MLLT3: variants seen among roughly 807,000 people sequenced by gnomAD.
The protein encoded by MLLT3 is protein AF-9.
MLLT3 carries 4 observed loss-of-function variants against 53.2 expected under a neutral mutation model. That is an observed-to-expected ratio of 0.08 (90% CI 0.04 to 0.17). MLLT3 has a LOEUF of 0.17. Among genes scored for constraint, MLLT3 ranks in the 10% least tolerant of loss-of-function variants. The pLI is 1.00. For synonymous variants in MLLT3, 283 were observed against 230.6 expected (o/e 1.23, Z -2.06); for missense variants, 569 against 684.0 (o/e 0.83, Z 1.87).
At chr9:20,503,941 G>A (rs1307749684) in intron 2 of MLLT3, among the ~76,000 whole-genome samples, 2 of 152,196 alleles carry the variant, frequency 1.3e-5, no homozygotes, top group South Asian at 2.1e-4. Context: ...GGCAACAGGT[G>A]TATGAAAAAA....
At chr9:20,369,695 T>C (rs908347367) in intron 5 of MLLT3, among the ~76,000 whole-genome samples, 5 of 152,138 alleles carry the variant, frequency 3.3e-5, no homozygotes, top group Non-Finnish European at 2.9e-5. Flanking sequence ...AATGTCACAT[T>C]TATCTTCCAA....
At chr9:20,533,398 C>A in intron 2 of MLLT3, 1 of 159,716 alleles carries the variant, frequency 6.3e-6, no homozygotes, top group Non-Finnish European at 1.4e-5. Flanking sequence ...AATTTTCCTT[C>A]AAAAGAAAAG....
At chr9:20,567,304 T>TA (rs35505450) in intron 2 of MLLT3, among the ~76,000 whole-genome samples, 4,601 of 79,826 alleles carry the variant, frequency 0.058, 151 homozygotes, top group Non-Finnish European at 0.08. Flanking sequence ...CTATATTCAG[T>TA]AAAAAAAAAA....
At chr9:20,537,337 T>C (rs970755565) in intron 2 of MLLT3, among the ~76,000 whole-genome samples, 10 of 152,224 alleles carry the variant, frequency 6.6e-5, no homozygotes, top group African/African-American at 2.4e-4. Context: ...TATTTTTTAA[T>C]CTGTTACGGA....
At chr9:20,578,808 C>G (rs1370986175) in intron 2 of MLLT3, among the ~76,000 whole-genome samples, 1 of 151,890 alleles carries the variant, frequency 6.6e-6, no homozygotes, top group Non-Finnish European at 1.5e-5. Flanking sequence ...TAAATACATA[C>G]CAGATTCCAA....
In MLLT3 at chr9:20,346,304, G is replaced by C; in HGVS notation, c.*139C>G. 1.1e-6 allele frequency: 1 copy of C among 898,794 alleles called. No individual in the cohort carries two copies. Among genetic ancestry groups the C allele is most frequent in the South Asian group, 2.1e-5 (1 of 47,866 alleles). The allele number at this position is 898,794 out of a possible 1,614,324, so 55.7% of individuals were successfully genotyped here. ...AGAAAAATAAAGCTGAAGGTTGTTT[G>C]ATTTTTATTTTTTCCCTTTTGGTTG... is the stretch of plus-strand genomic sequence containing the variant. On this transcript the variant is annotated 3_prime_UTR_variant, in exon 11 of 11. Coordinates refer to ENST00000380338, the MANE Select transcript of MLLT3 (RefSeq NM_004529.4).
At chr9:20,400,152 C>A (rs1480456292) in intron 5 of MLLT3, among the ~76,000 whole-genome samples, 1 of 151,820 alleles carries the variant, frequency 6.6e-6, no homozygotes, top group Non-Finnish European at 1.5e-5. Flanking sequence ...ACAAAAAAAC[C>A]TAACATGACT....
intron 2 of MLLT3, among the ~76,000 whole-genome samples, chr9:20,505,575 A>G (rs903628050): frequency 8.5e-5 from 13 of 152,216 alleles, no homozygotes; most frequent in African/African-American, 2.7e-4. Flanking sequence ...AGGTTAGCCT[A>G]TAAGTTCTAA....
chr9:20,442,418 T>C (rs1347031104), intron 4 of MLLT3, among the ~76,000 whole-genome samples: 2 of 152,200 alleles, frequency 1.3e-5, no homozygotes, highest in African/African-American at 4.8e-5. Flanking sequence ...TGAGTTTATT[T>C]ACTACAGTAT....
rs987928519 is a variant in MLLT3, at chr9:20,346,189, T to C, written c.*254A>G. The C allele has an allele frequency of 2.6e-6, 1 of 383,202 alleles. No individual in the cohort carries two copies. Among genetic ancestry groups the C allele is most frequent in the Non-Finnish European group, 4.7e-6 (1 of 212,846 alleles). 23.7% of individuals were successfully genotyped at this position (383,202 alleles called of 1,614,324 possible). ...TTTTCAAGGCTATCCAGGCTAACTCTTCCCGGGGATTTCCTTGGAGAGAAG... is the reference window on the plus strand; with the variant it reads ...TTTTCAAGGCTATCCAGGCTAACTCCTCCCGGGGATTTCCTTGGAGAGAAG... On this transcript the variant is annotated 3_prime_UTR_variant, in exon 11 of 11. Transcript: ENST00000380338.
chr9:20,445,728 T>C (rs1823677430), intron 4 of MLLT3, among the ~76,000 whole-genome samples: 1 of 152,118 alleles, frequency 6.6e-6, no homozygotes, highest in Non-Finnish European at 1.5e-5. Context: ...AACTTATATA[T>C]TAAGATGAGA....
At chr9:20,493,426 GGTTA>G (rs1265912954) in intron 2 of MLLT3, among the ~76,000 whole-genome samples, 1 of 151,918 alleles carries the variant, frequency 6.6e-6, no homozygotes. Flanking sequence ...ACTCAGGAAG[GGTTA>G]GTATTTCTTT....
chr9:20,435,514 G>A (rs1563964706), intron 4 of MLLT3, among the ~76,000 whole-genome samples: 1 of 152,110 alleles, frequency 6.6e-6, no homozygotes, highest in Non-Finnish European at 1.5e-5. Context: ...CCCACAGTAG[G>A]TACTCAAATA....
intron 5 of MLLT3, among the ~76,000 whole-genome samples, chr9:20,367,488 C>T (rs565477608): frequency 1.3e-5 from 2 of 152,264 alleles, no homozygotes; most frequent in African/African-American, 2.4e-5. Context: ...TTAGGCCCTG[C>T]GTTCCACCTT....
At chr9:20,433,707 C>G (rs1356040000) in intron 4 of MLLT3, among the ~76,000 whole-genome samples, 2 of 152,034 alleles carry the variant, frequency 1.3e-5, no homozygotes, top group Admixed American at 6.6e-5. Flanking sequence ...TCTTTAAAAT[C>G]TTCAAGTTCA....
intron 2 of MLLT3, among the ~76,000 whole-genome samples, chr9:20,613,628 G>A (rs1469946542): frequency 6.0e-5 from 9 of 150,312 alleles, no homozygotes; most frequent in African/African-American, 1.5e-4. Context: ...GGACTACAAA[G>A]GACAAAAAAG....
chr9:20,559,909 A>C (rs562123933), intron 2 of MLLT3, among the ~76,000 whole-genome samples: 1 of 152,334 alleles, frequency 6.6e-6, no homozygotes, highest in African/African-American at 2.4e-5. Context: ...CTATGTTCTT[A>C]ACCCTACGTA....
intron 8 of MLLT3, among the ~76,000 whole-genome samples, chr9:20,358,315 C>A (rs1476369180): frequency 1.3e-5 from 2 of 152,124 alleles, no homozygotes; most frequent in African/African-American, 4.8e-5. Context: ...CTAACCCAGA[C>A]TAGCTAAAAG....
intron 2 of MLLT3, among the ~76,000 whole-genome samples, chr9:20,520,142 A>T (rs1203154461): frequency 6.6e-6 from 1 of 152,154 alleles, no homozygotes; most frequent in African/African-American, 2.4e-5. Flanking sequence ...AGTGGGAGCT[A>T]AATGATGAGA....
Sources: allele counts gnomAD v4.1 joint callset (sites outside exome capture counted in the v4.1 genomes callset), GRCh38; gene constraint gnomAD v4.1.1; transcripts MANE v1.5; gene names NCBI Gene and HGNC (gene_info 2026-07-23, HGNC 2026-07-21).